Variants in ATP2B2 observed in about 807,000 individuals in gnomAD.
ATP2B2 encodes the protein plasma membrane calcium-transporting ATPase 2.
Under a neutral mutation model 120.0 loss-of-function variants are expected in ATP2B2, and 15 were observed. The observed-to-expected ratio is 0.12, with a 90% CI of 0.08 to 0.19. ATP2B2 has a LOEUF of 0.19. Ranked by LOEUF, ATP2B2 falls within the 10% of genes least tolerant of loss-of-function variation. ATP2B2 has a pLI of 1.00. For missense variants in ATP2B2, 1,045 were observed against 1,719.8 expected, an observed-to-expected ratio of 0.61 and a Z score of 6.94; for synonymous variants, 694 against 700.3, an observed-to-expected ratio of 0.99 and a Z score of 0.14.
At chr3:10,397,032 C>T (rs2062061525) in intron 5 of ATP2B2, among the ~76,000 whole-genome samples, 1 of 152,222 alleles carries the variant, frequency 6.6e-6, no homozygotes, top group Non-Finnish European at 1.5e-5. Context: ...AATGACACTC[C>T]TATTGTCCTC....
At chr3:10,668,372 C>T (rs560755697) in intron 1 of ATP2B2, among the ~76,000 whole-genome samples, 68 of 152,322 alleles carry the variant, frequency 4.5e-4, no homozygotes, top group African/African-American at 1.5e-3. Context: ...CCCTAACTGC[C>T]CCGTGCTTGA....
chr3:10,421,427 T>G (rs1374589160), intron 2 of ATP2B2, among the ~76,000 whole-genome samples: 1 of 152,090 alleles, frequency 6.6e-6, no homozygotes. Context: ...AGGTCATGAG[T>G]GCTGTGGCTG....
chr3:10,382,267 C>A (rs1028864746), intron 8 of ATP2B2, among the ~76,000 whole-genome samples: 1 of 141,038 alleles, frequency 7.1e-6, no homozygotes, highest in African/African-American at 2.8e-5. Flanking sequence ...AACTCTTGAC[C>A]TCAAGTGATT....
At chr3:10,576,507 T>C (rs1006905287) in intron 2 of ATP2B2, among the ~76,000 whole-genome samples, 4 of 152,138 alleles carry the variant, frequency 2.6e-5, no homozygotes, top group African/African-American at 9.7e-5. Context: ...GTCTTCTTAG[T>C]AGCTGAAACT....
chr3:10,548,614 C>T (rs959506671), intron 2 of ATP2B2, among the ~76,000 whole-genome samples: 1 of 152,194 alleles, frequency 6.6e-6, no homozygotes, highest in African/African-American at 2.4e-5. Context: ...CTCCCAGATC[C>T]AGGTGCCCAC....
chr3:10,438,975 G>T (rs1197015880), intron 2 of ATP2B2, among the ~76,000 whole-genome samples: 2 of 152,208 alleles, frequency 1.3e-5, no homozygotes, highest in East Asian at 3.9e-4. Flanking sequence ...CCAAATTCTG[G>T]TCCCCCGCTA....
At chr3:10,537,183 T>A (rs2067336134) in intron 2 of ATP2B2, among the ~76,000 whole-genome samples, 1 of 152,230 alleles carries the variant, frequency 6.6e-6, no homozygotes, top group African/African-American at 2.4e-5. Context: ...TTCATTCTTT[T>A]TCAAAATTGT....
At chr3:10,581,939 C>T (rs1335643664) in intron 2 of ATP2B2, among the ~76,000 whole-genome samples, 7 of 152,192 alleles carry the variant, frequency 4.6e-5, no homozygotes, top group Non-Finnish European at 1.5e-5. Context: ...GATCCAAGTT[C>T]AGCAAATATC....
chr3:10,609,308 G>T (rs1489935712), intron 2 of ATP2B2, among the ~76,000 whole-genome samples: 1 of 151,804 alleles, frequency 6.6e-6, no homozygotes, highest in East Asian at 1.9e-4. Flanking sequence ...AACTCTGGCT[G>T]CCAGCAGCAG....
Position 10,358,755 on chromosome 3 carries a change from T to C in ATP2B2, c.2072A>G (p.Asn691Ser). 1 of 1,614,224 alleles carries C rather than the reference T, an allele frequency of 6.2e-7. No individual in the cohort carries two copies. The highest frequency in any genetic ancestry group is 1.7e-5 in the Admixed American group (1 of 60,034). Residue 691 changes from asparagine (N) to serine (S), a missense_variant, in exon 14 of 23, where the codon AAT (asparagine) becomes AGT (serine). Asn to Ser is a conservative substitution (Grantham distance 46, BLOSUM62 1). Transcript: ENST00000360273. The part of the protein sequence containing the change: ...SSPEPDWDNE[N>S]DILNELTCIC... ...GCAGGTGAGTTCGTTGAGGATGTCA[T>C]TCTCATTGTCCCAGTCCGGCTCCGG...
At position 10,437,955 on chromosome 3, in the gene ATP2B2, C is replaced by G. The variant is rs553984589; in HGVS notation, c.199+11390G>C. Among the ~76,000 whole-genome samples, 10 of 152,262 alleles carry G rather than the reference C, an allele frequency of 6.6e-5. No individual in the cohort carries two copies. The East Asian group carries it at 1.9e-3, about 29-fold the overall frequency. The stretch of plus-strand genomic sequence containing the variant: ...GGAGAAGATGGCCATCTACAAGCCT[C>G]CAGAACTGTGAGAGAATGAATTTCT... On this transcript the variant is annotated intron_variant, in intron 2 of 22. Transcript: ENST00000360273.
chr3:10,368,563 C>T (rs1189918824), intron 12 of ATP2B2, among the ~76,000 whole-genome samples: 3 of 151,816 alleles, frequency 2.0e-5, no homozygotes, highest in African/African-American at 7.3e-5. Flanking sequence ...CACCTACCAG[C>T]CAATATATCC....
At position 10,342,609 on chromosome 3, in the gene ATP2B2, A is replaced by T; in HGVS notation, c.2917+143T>A. 1 of 981,970 alleles carries T rather than the reference A, an allele frequency of 1.0e-6. No individual in the cohort carries two copies. The highest frequency in any genetic ancestry group is 1.6e-6 in the Non-Finnish European group (1 of 643,322). The allele number at this position is 981,970 out of a possible 1,614,324, so 60.8% of individuals were successfully genotyped here. On this transcript the variant is annotated intron_variant, in intron 19 of 22. Transcript: ENST00000360273. The surrounding 1 kb of genome is among the most constrained non-coding windows in gnomAD (Gnocchi z 4.4). ...AGACTTGCTGGTGTGACCTTGGGCA[A>T]CTTACTTGACCTCCCTGGGCCTCAA...
At chr3:10,564,684 C>A (rs1288620133) in intron 2 of ATP2B2, among the ~76,000 whole-genome samples, 1 of 152,176 alleles carries the variant, frequency 6.6e-6, no homozygotes, top group Non-Finnish European at 1.5e-5. Context: ...CCTTTATGTG[C>A]CACTTACACA....
chr3:10,395,855 T>C (rs1379519857), intron 5 of ATP2B2, among the ~76,000 whole-genome samples: 3 of 152,208 alleles, frequency 2.0e-5, no homozygotes, highest in Non-Finnish European at 4.4e-5. Context: ...AGGAAGCAGC[T>C]GTGGTTTGGG....
At position 10,378,362 on chromosome 3, in the gene ATP2B2, C is replaced by T. The variant is rs758399805; in HGVS notation, c.1091G>A (p.Ser364Asn). 6.2e-7 allele frequency: 1 copy of T among 1,605,882 alleles called. No individual in the cohort carries two copies. The change falls in exon 10 of 23, where the codon AGT (serine) becomes AAT (asparagine). Residue 364 changes from serine (S) to asparagine (N), a missense_variant. Physicochemically the swap from Ser to Asn is conservative, Grantham distance 46 (BLOSUM62 1). Coordinates refer to ENST00000360273, the MANE Select transcript of ATP2B2 (RefSeq NM_001001331.4). ...AAAMEMQPLKSAEGGDADDRK... is the reference protein window; with the variant it reads ...AAAMEMQPLKNAEGGDADDRK... Reference sequence around the variant, plus strand: ...GTCGTCAGCGTCGCCGCCCTCGGCACTCTTGAGGGGCTGCATCTCCATGGC... The same window carrying T: ...GTCGTCAGCGTCGCCGCCCTCGGCATTCTTGAGGGGCTGCATCTCCATGGC...
At chr3:10,598,159 G>A (rs1327376980) in intron 2 of ATP2B2, among the ~76,000 whole-genome samples, 3 of 152,264 alleles carry the variant, frequency 2.0e-5, no homozygotes, top group East Asian at 1.9e-4. Context: ...TTCCAGAAAG[G>A]CCTCACAAAG....
intron 2 of ATP2B2, among the ~76,000 whole-genome samples, chr3:10,428,992 C>T (rs2063227228): frequency 6.6e-6 from 1 of 152,202 alleles, no homozygotes; most frequent in Non-Finnish European, 1.5e-5. Flanking sequence ...TCCCTGACTC[C>T]CTCACTGTAG....
intron 1 of ATP2B2, among the ~76,000 whole-genome samples, chr3:10,641,410 CCCTAGCCAAGGGTGGCCCCGTATA>C: frequency 6.6e-6 from 1 of 152,174 alleles, no homozygotes; most frequent in Non-Finnish European, 1.5e-5. Context: ...TGACCCTCAG[CCCTAGCCAAGGGTGGCCCCGTATA>C]TGAGGGCCCA....
Sources: allele counts gnomAD v4.1 joint callset (sites outside exome capture counted in the v4.1 genomes callset), GRCh38; gene constraint gnomAD v4.1.1; non-coding constraint Gnocchi (gnomAD v3.1); transcripts MANE v1.5; gene names NCBI Gene and HGNC (gene_info 2026-07-23, HGNC 2026-07-21).